The following RELN variants were observed in gnomAD, a reference collection of about 807,000 sequenced individuals.
RELN encodes reelin.
In RELN, 108 loss-of-function variants were observed where a neutral mutation model predicts 427.6. That is an observed-to-expected ratio of 0.25 (90% CI 0.22 to 0.30). The LOEUF (loss-of-function observed/expected upper bound fraction) is 0.30. Ranked by LOEUF, RELN falls within the 10% of genes least tolerant of loss-of-function variation. The probability of loss-of-function intolerance (pLI) is 1.00; values close to 1 mark genes in which losing one functional copy is unlikely to be tolerated. For synonymous variants in RELN, 1,524 were observed against 1,513.4 expected, an observed-to-expected ratio of 1.01 and a Z score of -0.16; for missense variants, 3,715 against 4,302.8, an observed-to-expected ratio of 0.86 and a Z score of 3.82.
rs566821262 is a variant in RELN at position 103,738,213 on chromosome 7, G to A, written c.657-10006C>T. On this transcript the variant is annotated intron_variant, in intron 6 of 64. Coordinates refer to ENST00000428762, the MANE Select transcript of RELN (RefSeq NM_005045.4). ...GCTCTGGATGCCTTCTGTGATCTTCGGAAAATAAGCATTAAAGGGATAACT... is the reference window on the plus strand; with the variant it reads ...GCTCTGGATGCCTTCTGTGATCTTCAGAAAATAAGCATTAAAGGGATAACT... Among the ~76,000 whole-genome samples the A allele has an allele frequency of 6.0e-5, 9 of 150,790 alleles. No homozygotes were observed. In the South Asian group the frequency reaches 6.3e-4, roughly 11 times the overall value.
rs183378401 is a variant in RELN at position 103,665,967 on chromosome 7, C to T, written c.1290-4440G>A. On this transcript the variant is annotated intron_variant, in intron 11 of 64. Coordinates refer to ENST00000428762, the MANE Select transcript of RELN (RefSeq NM_005045.4). ...CTCTAGTTCAGTATACTAATTCTCT[C>T]TTCAGTTGTTTCTATATTTTTACCT... 2.2e-4 allele frequency among the ~76,000 whole-genome samples: 34 copies of T among 152,066 alleles called. 1 individual carries two copies. In the East Asian group the frequency reaches 6.4e-3, roughly 28 times the overall value.
chr7:103,965,942 C>G (rs144413497), intron 1 of RELN, among the ~76,000 whole-genome samples: 5 of 152,056 alleles, frequency 3.3e-5, no homozygotes, highest in African/African-American at 9.7e-5. Context: ...ATGTTTACCA[C>G]GTCAAAATCT....
At chr7:103,878,347 T>C (rs1052391247) in intron 2 of RELN, among the ~76,000 whole-genome samples, 7 of 152,204 alleles carry the variant, frequency 4.6e-5, no homozygotes, top group Non-Finnish European at 4.4e-5. Context: ...TAGTCAACAT[T>C]GTATCTTTGA....
chr7:103,580,299 A>G (rs574823777), intron 28 of RELN, among the ~76,000 whole-genome samples: 1 of 152,228 alleles, frequency 6.6e-6, no homozygotes, highest in Non-Finnish European at 1.5e-5. Flanking sequence ...TAAAGTAGAA[A>G]CATATTTACT....
chr7:103,842,989 C>A (rs569471221), intron 2 of RELN, among the ~76,000 whole-genome samples: 6 of 152,272 alleles, frequency 3.9e-5, no homozygotes, highest in Admixed American at 6.5e-5. Context: ...CATAGAAACC[C>A]TGTCTGCCTA....
chr7:103,504,041 T>TA (rs910627102), intron 51 of RELN, among the ~76,000 whole-genome samples: 13 of 152,052 alleles, frequency 8.5e-5, no homozygotes, highest in African/African-American at 3.1e-4. Flanking sequence ...CTGTCTCTAC[T>TA]AAAAATACAA....
At chr7:103,897,393 G>A (rs1794984918) in intron 2 of RELN, among the ~76,000 whole-genome samples, 2 of 152,066 alleles carry the variant, frequency 1.3e-5, no homozygotes, top group African/African-American at 4.8e-5. Flanking sequence ...TACTGCTTGT[G>A]TGTTCGTCTT....
rs553612743 is a variant in RELN at position 103,531,697 on chromosome 7, T to C, written c.7349+3619A>G. ...CATTTCTTATTCTTCAAGAGCCTCT[T>C]TACATCTACTCTTATCCTCTCCTAT... On this transcript the variant is annotated intron_variant, in intron 46 of 64. Transcript: ENST00000428762. 8.5e-5 allele frequency among the ~76,000 whole-genome samples: 13 copies of C among 152,308 alleles called. No homozygotes were observed. In the East Asian group the frequency reaches 2.5e-3, roughly 29 times the overall value.
At chr7:103,911,374 G>C (rs1171830015) in intron 2 of RELN, among the ~76,000 whole-genome samples, 1 of 147,240 alleles carries the variant, frequency 6.8e-6, no homozygotes, top group Non-Finnish European at 1.5e-5. Flanking sequence ...GAGAGGATGT[G>C]GAGAAATAGG....
At chr7:103,772,727 A>G (rs998739936) in intron 4 of RELN, among the ~76,000 whole-genome samples, 4 of 152,246 alleles carry the variant, frequency 2.6e-5, no homozygotes, top group African/African-American at 9.6e-5. Flanking sequence ...AGATAGCACC[A>G]GGATGATAGA....
chr7:103,915,739 A>T (rs1795469905), intron 2 of RELN, among the ~76,000 whole-genome samples: 1 of 152,192 alleles, frequency 6.6e-6, no homozygotes, highest in East Asian at 1.9e-4. Context: ...CTTATACTAA[A>T]AAAATTTTGT....
intron 6 of RELN, among the ~76,000 whole-genome samples, 199 bp from the exon 7 acceptor site, chr7:103,728,406 G>C (rs980469474): frequency 3.3e-5 from 5 of 152,136 alleles, no homozygotes; most frequent in African/African-American, 1.2e-4. Flanking sequence ...AATTCTTTCA[G>C]TTACTTACAG....
rs1289435256 is a variant in RELN at position 103,781,193 on chromosome 7, T to C, written c.474-4566A>G. Reference sequence around the variant, plus strand: ...ACACAGGCTCCCTTGCTTTATCCCATGAGCCATCCGCACTGCACTCCTTAG... The same window carrying C: ...ACACAGGCTCCCTTGCTTTATCCCACGAGCCATCCGCACTGCACTCCTTAG... On this transcript the variant is annotated intron_variant, in intron 3 of 64. Transcript: ENST00000428762. 3.3e-5 allele frequency among the ~76,000 whole-genome samples: 5 copies of C among 151,850 alleles called. No homozygotes were observed. In the East Asian group the frequency reaches 7.7e-4, roughly 23 times the overall value.
At chr7:103,783,488 C>A (rs1791944748) in intron 3 of RELN, among the ~76,000 whole-genome samples, 1 of 152,104 alleles carries the variant, frequency 6.6e-6, no homozygotes, top group South Asian at 2.1e-4. Context: ...CTTTACTGCC[C>A]TAATTGTTTT....
chr7:103,487,384 T>C (rs773768410), intron 60 of RELN, among the ~76,000 whole-genome samples: 17 of 130,504 alleles, frequency 1.3e-4, no homozygotes, highest in Admixed American at 4.4e-4. Flanking sequence ...TGCACATGTA[T>C]CCCAGAACTT....
At chr7:103,631,200 A>G (rs1832456991) in intron 19 of RELN, among the ~76,000 whole-genome samples, 1 of 151,956 alleles carries the variant, frequency 6.6e-6, no homozygotes, top group East Asian at 1.9e-4. Flanking sequence ...AATAGAAGAA[A>G]ACATATTTTC....
At chr7:103,564,628 G>T (rs1471081331) in intron 34 of RELN, among the ~76,000 whole-genome samples, 1 of 152,054 alleles carries the variant, frequency 6.6e-6, no homozygotes, top group African/African-American at 2.4e-5. Context: ...ACAGATGTAG[G>T]AGGCTGGGAA....
chr7:103,761,322 T>A (rs1359450113), intron 4 of RELN, among the ~76,000 whole-genome samples: 2 of 152,226 alleles, frequency 1.3e-5, no homozygotes, highest in Non-Finnish European at 2.9e-5. Context: ...CTTACCATGC[T>A]CATGTCACCA....
At chr7:103,987,900 C>T (rs577093197) in intron 1 of RELN, among the ~76,000 whole-genome samples, 9 of 152,286 alleles carry the variant, frequency 5.9e-5, no homozygotes, top group African/African-American at 2.2e-4. Context: ...TGTTTAAAAC[C>T]TCTAGGAGAC....
Sources: gnomAD v4.1 joint callset for allele counts (sites outside exome capture counted in the v4.1 genomes callset) on GRCh38, gnomAD v4.1.1 for gene constraint, MANE v1.5 for transcripts, NCBI Gene and HGNC (gene_info 2026-07-23, HGNC 2026-07-21) for gene names.